The following SLC24A4 variants were observed in gnomAD, a reference collection of about 807,000 sequenced individuals.
SLC24A4 encodes the protein solute carrier family 24 member 4, also known as sodium/potassium/calcium exchanger 4.
SLC24A4 carries 53 observed loss-of-function variants against 79.0 expected under a neutral mutation model. That is an observed-to-expected ratio of 0.67 (90% CI 0.54 to 0.84). The LOEUF (loss-of-function observed/expected upper bound fraction) is 0.84. Ranked by LOEUF, SLC24A4 falls within the 40% of genes least tolerant of loss-of-function variation. The probability of loss-of-function intolerance (pLI) is 0.00; values close to 1 mark genes in which losing one functional copy is unlikely to be tolerated. For synonymous variants in SLC24A4, 323 were observed against 323.8 expected (o/e 1.00, Z 0.03); for missense variants, 731 against 822.0 (o/e 0.89, Z 1.35).
intron 2 of SLC24A4, among the ~76,000 whole-genome samples, chr14:92,369,241 CA>C (rs1888017021): frequency 6.6e-6 from 1 of 152,210 alleles, no homozygotes; most frequent in East Asian, 1.9e-4. Flanking sequence ...TGAAGGAAAG[CA>C]ACTGGGAGGC....
chr14:92,416,122 G>T (rs1338307581), intron 2 of SLC24A4, among the ~76,000 whole-genome samples: 4 of 147,918 alleles, frequency 2.7e-5, no homozygotes, highest in Admixed American at 1.3e-4. Context: ...TTGTGTGTGT[G>T]GTGTGTGTGT....
intron 2 of SLC24A4, among the ~76,000 whole-genome samples, chr14:92,414,125 T>A (rs902293601): frequency 2.6e-5 from 4 of 152,198 alleles, no homozygotes; most frequent in Non-Finnish European, 5.9e-5. Flanking sequence ...GCCATCATTT[T>A]AACCATAGAC....
At chr14:92,481,912 AC>A (rs1300331258) in intron 12 of SLC24A4, among the ~76,000 whole-genome samples, 1 of 152,226 alleles carries the variant, frequency 6.6e-6, no homozygotes, top group East Asian at 1.9e-4. Flanking sequence ...TATTAAGGAA[AC>A]TATGCTTACA....
intron 3 of SLC24A4, among the ~76,000 whole-genome samples, chr14:92,435,849 C>T (rs991241731): frequency 1.3e-5 from 2 of 152,220 alleles, no homozygotes; most frequent in East Asian, 3.8e-4. Flanking sequence ...TGGCTTTACA[C>T]TCCTCCCCTT....
At chr14:92,354,846 G>A (rs765421776) in intron 2 of SLC24A4, among the ~76,000 whole-genome samples, 2 of 152,148 alleles carry the variant, frequency 1.3e-5, no homozygotes, top group Non-Finnish European at 2.9e-5. Context: ...GGCCGAGGTG[G>A]GCGGATTGAA....
chr14:92,383,927 G>A (rs1161693556), intron 2 of SLC24A4, among the ~76,000 whole-genome samples: 2 of 152,238 alleles, frequency 1.3e-5, no homozygotes, highest in Non-Finnish European at 2.9e-5. Context: ...CACACTCGCC[G>A]TGGCGGGACA....
At chr14:92,420,822 G>T (rs1199989364) in intron 2 of SLC24A4, among the ~76,000 whole-genome samples, 2 of 152,144 alleles carry the variant, frequency 1.3e-5, no homozygotes, top group Non-Finnish European at 2.9e-5. Context: ...TTTTTCACGG[G>T]GGGGGCCTGT....
intron 2 of SLC24A4, among the ~76,000 whole-genome samples, chr14:92,374,880 A>G (rs1888415470): frequency 6.6e-6 from 1 of 152,164 alleles, no homozygotes; most frequent in Admixed American, 6.5e-5. Flanking sequence ...TTTTGGTTTT[A>G]TTAAATTTTG....
chr14:92,363,370 A>T (rs1440334509), intron 2 of SLC24A4, among the ~76,000 whole-genome samples: 1 of 152,232 alleles, frequency 6.6e-6, no homozygotes, highest in East Asian at 1.9e-4. Flanking sequence ...CCTGTGTGCC[A>T]TGGTCCACTG....
intron 2 of SLC24A4, among the ~76,000 whole-genome samples, chr14:92,347,788 T>C (rs952208151): frequency 1.3e-5 from 2 of 151,882 alleles, no homozygotes; most frequent in Non-Finnish European, 2.9e-5. Context: ...TTAGCCAGGC[T>C]TGGTGGTGGG....
intron 2 of SLC24A4, among the ~76,000 whole-genome samples, chr14:92,387,470 C>T (rs1216521127): frequency 1.3e-5 from 2 of 152,212 alleles, no homozygotes; most frequent in African/African-American, 4.8e-5. Flanking sequence ...AGCCACCATG[C>T]CCGGCCAGGA....
chr14:92,450,015 TAGCCC>T (rs1338770730), intron 10 of SLC24A4, among the ~76,000 whole-genome samples: 3 of 152,236 alleles, frequency 2.0e-5, no homozygotes, highest in Non-Finnish European at 2.9e-5. Flanking sequence ...GCGTTCACTC[TAGCCC>T]AGACCAGTAG....
At chr14:92,469,059 A>G (rs761942509) in intron 12 of SLC24A4, among the ~76,000 whole-genome samples, 1 of 152,204 alleles carries the variant, frequency 6.6e-6, no homozygotes, top group Non-Finnish European at 1.5e-5. Flanking sequence ...TCACATCATT[A>G]GTCATTAGAG....
intron 12 of SLC24A4, among the ~76,000 whole-genome samples, chr14:92,470,588 A>G (rs1246170485): frequency 6.7e-6 from 1 of 149,524 alleles, no homozygotes; most frequent in Non-Finnish European, 1.5e-5. Context: ...CTGAGAGCTT[A>G]GTGAAAGGAA....
chr14:92,388,550 C>T (rs1295514160), intron 2 of SLC24A4, among the ~76,000 whole-genome samples: 2 of 152,212 alleles, frequency 1.3e-5, no homozygotes, highest in East Asian at 3.9e-4. Flanking sequence ...CGGCCTGGTT[C>T]GCCTCTCCCT....
At position 92,413,506 on chromosome 14, in the gene SLC24A4, C is replaced by T. The variant is rs766298022; in HGVS notation, c.242-20406C>T. Among the ~76,000 whole-genome samples the T allele has an allele frequency of 5.6e-4, 86 of 152,232 alleles. 1 individual carries two copies. Among genetic ancestry groups the T allele is most frequent in the Non-Finnish European group, 2.5e-4 (17 of 68,044 alleles). ...CCCTCTTCTGCGTTCCACTAAAGCT[C>T]CATTTAAACCTCTCCCCACGGCATG... On this transcript the variant is annotated intron_variant, in intron 2 of 16. Coordinates refer to ENST00000532405, the MANE Select transcript of SLC24A4 (RefSeq NM_153646.4).
At chr14:92,453,774 C>A in intron 10 of SLC24A4, 126 bp from the exon 11 acceptor site, 2 of 1,049,428 alleles carry the variant, frequency 1.9e-6, no homozygotes, top group South Asian at 2.0e-5. Flanking sequence ...CCAGACTTCC[C>A]GGTGGCTGCC....
In SLC24A4 at chr14:92,472,251, T is replaced by A. The variant is rs932513522; in HGVS notation, c.1256-10429T>A. ...CTGAAGTTATTCAGTTCTCTTTTTT[T>A]AAATTTTTCATTTCCATAAGTTTTG... On this transcript the variant is annotated intron_variant, in intron 12 of 16. Transcript: ENST00000532405. Among the ~76,000 whole-genome samples, 4 of 152,276 alleles carry A rather than the reference T, an allele frequency of 2.6e-5. No homozygotes were observed. In the East Asian group the frequency reaches 5.8e-4, roughly 22 times the overall value.
intron 11 of SLC24A4, among the ~76,000 whole-genome samples, chr14:92,456,016 G>A (rs1272612740): frequency 6.6e-6 from 1 of 152,180 alleles, no homozygotes; most frequent in Admixed American, 6.5e-5. Flanking sequence ...TGTACATTTT[G>A]TATAATGTAC....
Sources: allele counts gnomAD v4.1 joint callset (sites outside exome capture counted in the v4.1 genomes callset), GRCh38; gene constraint gnomAD v4.1.1; transcripts MANE v1.5; gene names NCBI Gene and HGNC (gene_info 2026-07-23, HGNC 2026-07-21).